Variants in RALGAPA1 observed in about 807,000 individuals in gnomAD.
The protein encoded by RALGAPA1 is ral GTPase-activating protein subunit alpha-1.
Under a neutral mutation model 269.6 loss-of-function variants are expected in RALGAPA1, and 52 were observed. The observed-to-expected ratio is 0.19, with a 90% CI of 0.15 to 0.24. The LOEUF (loss-of-function observed/expected upper bound fraction) is 0.24. Ranked by LOEUF, RALGAPA1 falls within the 10% of genes least tolerant of loss-of-function variation. The pLI is 1.00. For missense variants in RALGAPA1, 1,917 were observed against 3,013.9 expected, an observed-to-expected ratio of 0.64 and a Z score of 8.52; for synonymous variants, 817 against 1,008.3, an observed-to-expected ratio of 0.81 and a Z score of 3.60.
chr14:35,779,529 A>AAATAAT (rs573984561), intron 1 of RALGAPA1, among the ~76,000 whole-genome samples: 1 of 150,880 alleles, frequency 6.6e-6, no homozygotes, highest in East Asian at 1.9e-4. Context: ...CCTTGTCACT[A>AAATAAT]AATAATAATA....
At chr14:35,753,814 A>C (rs1378291349) in intron 7 of RALGAPA1, among the ~76,000 whole-genome samples, 2 of 152,198 alleles carry the variant, frequency 1.3e-5, no homozygotes, top group Non-Finnish European at 2.9e-5. Context: ...GTACGTTTTA[A>C]GTGAGTGAAC....
At chr14:35,612,537 TCTTC>T (rs1352114093) in intron 35 of RALGAPA1, among the ~76,000 whole-genome samples, 5 of 150,332 alleles carry the variant, frequency 3.3e-5, no homozygotes, top group Admixed American at 1.3e-4. Flanking sequence ...TTCTTCTTCT[TCTTC>T]TTTTTTTTTT....
intron 12 of RALGAPA1, among the ~76,000 whole-genome samples, chr14:35,730,896 G>A (rs2070411202): frequency 6.6e-6 from 1 of 152,170 alleles, no homozygotes; most frequent in African/African-American, 2.4e-5. Context: ...GATGCTCTCT[G>A]GAATGTGCCA....
chr14:35,716,327 G>A (rs371017192), intron 16 of RALGAPA1, among the ~76,000 whole-genome samples: 1 of 151,118 alleles, frequency 6.6e-6, no homozygotes, highest in African/African-American at 2.4e-5. Flanking sequence ...GAACCCAGGA[G>A]GCGGAGGTTG....
chr14:35,565,636 A>C (rs1339452962), intron 39 of RALGAPA1, among the ~76,000 whole-genome samples: 1 of 152,068 alleles, frequency 6.6e-6, no homozygotes, highest in Non-Finnish European at 1.5e-5. Context: ...AATTCCTTAA[A>C]ACAAATCTCT....
At chr14:35,733,946 TAAAC>T (rs1250244940) in intron 12 of RALGAPA1, among the ~76,000 whole-genome samples, 2 of 149,606 alleles carry the variant, frequency 1.3e-5, no homozygotes, top group East Asian at 4.0e-4. Context: ...TAGCTGCAAA[TAAAC>T]AAATAAATAA....
At chr14:35,802,766 C>T (rs1002421526) in intron 1 of RALGAPA1, among the ~76,000 whole-genome samples, 1 of 151,508 alleles carries the variant, frequency 6.6e-6, no homozygotes, top group Non-Finnish European at 1.5e-5. Flanking sequence ...ATTGCAACCT[C>T]GACCTCCCAG....
intron 1 of RALGAPA1, among the ~76,000 whole-genome samples, chr14:35,785,582 ACTGT>A (rs2075738177): frequency 6.6e-6 from 1 of 152,206 alleles, no homozygotes; most frequent in South Asian, 2.1e-4. Context: ...GTGTTCTCAA[ACTGT>A]CTGTGAAGGA....
At chr14:35,546,959 C>T (rs1486185837) in intron 41 of RALGAPA1, among the ~76,000 whole-genome samples, 1 of 151,984 alleles carries the variant, frequency 6.6e-6, no homozygotes, top group Non-Finnish European at 1.5e-5. Context: ...TTGTGTTGAA[C>T]TGAGAACCAC....
At chr14:35,740,631 C>A (rs2071458477) in intron 11 of RALGAPA1, among the ~76,000 whole-genome samples, 1 of 151,992 alleles carries the variant, frequency 6.6e-6, no homozygotes, top group African/African-American at 2.4e-5. Flanking sequence ...CATGGTGAAA[C>A]CCTGTCTCTA....
intron 29 of RALGAPA1, among the ~76,000 whole-genome samples, chr14:35,654,999 T>C (rs545795619): frequency 6.6e-6 from 1 of 152,350 alleles, no homozygotes; most frequent in South Asian, 2.1e-4. Context: ...TCTTCCAAAC[T>C]GAATCAGCAG....
At chr14:35,777,931 T>C (rs2075156805) in intron 1 of RALGAPA1, among the ~76,000 whole-genome samples, 1 of 152,126 alleles carries the variant, frequency 6.6e-6, no homozygotes, top group African/African-American at 2.4e-5. Flanking sequence ...TAAACTCAAG[T>C]TAAAGGTAAA....
intron 1 of RALGAPA1, among the ~76,000 whole-genome samples, chr14:35,800,865 C>T (rs7159567): frequency 0.022 from 3,318 of 151,916 alleles, 123 homozygotes; most frequent in African/African-American, 0.075. Context: ...ATTAGCCAGG[C>T]GGGGTGGCGC....
intron 39 of RALGAPA1, among the ~76,000 whole-genome samples, chr14:35,555,387 T>G (rs2055504977): frequency 6.6e-6 from 1 of 152,128 alleles, no homozygotes; most frequent in South Asian, 2.1e-4. Flanking sequence ...AGTGGCCATT[T>G]ATAGAGAAGG....
At chr14:35,720,099 A>G (rs1289106827) in intron 16 of RALGAPA1, among the ~76,000 whole-genome samples, 1 of 152,238 alleles carries the variant, frequency 6.6e-6, no homozygotes, top group Non-Finnish European at 1.5e-5. Flanking sequence ...ACATTAATAT[A>G]AAGTGAAGGA....
chr14:35,771,026 AG>A, intron 3 of RALGAPA1, 27 bp from the exon 4 acceptor site: 5 of 1,051,554 alleles, frequency 4.8e-6, no homozygotes, highest in African/African-American at 1.6e-5. Flanking sequence ...AGAGAAAAAA[AG>A]AAAAGAATAA....
At chr14:35,708,175 G>C (rs925333651) in intron 16 of RALGAPA1, among the ~76,000 whole-genome samples, 4 of 152,016 alleles carry the variant, frequency 2.6e-5, no homozygotes, top group Admixed American at 2.6e-4. Flanking sequence ...AAACTTTGGG[G>C]AAACTCTCCA....
At chr14:35,621,684 C>A (rs1219180356) in intron 35 of RALGAPA1, among the ~76,000 whole-genome samples, 2 of 152,058 alleles carry the variant, frequency 1.3e-5, no homozygotes, top group Non-Finnish European at 2.9e-5. Context: ...ACAAACAACG[C>A]CATCAAAAAG....
rs1394049488 is a variant in RALGAPA1 at position 35,738,622 on chromosome 14, A to G, written c.1478T>C (p.Val493Ala). ...EENGTNTADH[V>A]RNSSWAKNGS... ...GTTTTTTGCCCAACTGGAATTTCGAACATGATCAGCAGTATTGGTCCCATT... is the reference window on the plus strand; with the variant it reads ...GTTTTTTGCCCAACTGGAATTTCGAGCATGATCAGCAGTATTGGTCCCATT... The change falls in exon 12 of 42, where the codon GTT (valine) becomes GCT (alanine). Residue 493 changes from valine (V) to alanine (A), a missense_variant. Physicochemically the swap from Val to Ala is moderately conservative, Grantham distance 64. Around this residue, in one of 11 missense-constraint regions of RALGAPA1, gnomAD observed 462 missense variants for 725.6 expected, o/e 0.64. Coordinates refer to ENST00000680220, the MANE Select transcript of RALGAPA1 (RefSeq NM_001346249.2). The G allele has an allele frequency of 4.3e-6, 7 of 1,613,358 alleles. No homozygotes were observed. The highest frequency in any genetic ancestry group is 3.3e-5 in the Admixed American group (2 of 59,862).
Sources: allele counts gnomAD v4.1 joint callset (sites outside exome capture counted in the v4.1 genomes callset), GRCh38; gene constraint gnomAD v4.1.1; regional missense constraint gnomAD v4.1.1; transcripts MANE v1.5; gene names NCBI Gene and HGNC (gene_info 2026-07-23, HGNC 2026-07-21).